The following NTN1 variants were observed in gnomAD, a reference collection of about 807,000 sequenced individuals.
NTN1 encodes netrin 1.
In NTN1, 11 loss-of-function variants were observed where a neutral mutation model predicts 54.2. That is an observed-to-expected ratio of 0.20 (90% CI 0.13 to 0.34). The LOEUF is 0.34. Ranked by LOEUF, NTN1 falls within the 10% of genes least tolerant of loss-of-function variation. NTN1 has a pLI of 1.00. For missense variants in NTN1, 740 were observed against 893.1 expected, an observed-to-expected ratio of 0.83 and a Z score of 2.18; for synonymous variants, 371 against 382.0, an observed-to-expected ratio of 0.97 and a Z score of 0.33.
intron 3 of NTN1, among the ~76,000 whole-genome samples, chr17:9,163,478 AC>A (rs2092364780): frequency 4.8e-4 from 1 of 2,064 alleles, no homozygotes; most frequent in African/African-American, 2.7e-3. Context: ...CCCCCCCGAA[AC>A]ACACACACAC....
chr17:9,229,402 T>C (rs3785993), intron 6 of NTN1, among the ~76,000 whole-genome samples: 119,937 of 152,000 alleles, frequency 0.79, 47,634 homozygotes, highest in African/African-American at 0.89. Context: ...ACACACCTTG[T>C]GAGGGAGGGA....
At chr17:9,205,614 C>A (rs1409644534) in intron 5 of NTN1, among the ~76,000 whole-genome samples, 1 of 152,164 alleles carries the variant, frequency 6.6e-6, no homozygotes, top group Non-Finnish European at 1.5e-5. Flanking sequence ...CAAAGGGAGA[C>A]CCTGTCTCAG....
chr17:9,089,978 C>A (rs746251458), intron 2 of NTN1, among the ~76,000 whole-genome samples: 5 of 152,024 alleles, frequency 3.3e-5, no homozygotes, highest in Non-Finnish European at 5.9e-5. Flanking sequence ...CCCAGAAGTC[C>A]TGAAGCCCAC....
intron 2 of NTN1, among the ~76,000 whole-genome samples, chr17:9,108,077 T>G (rs1371157158): frequency 2.6e-5 from 4 of 152,178 alleles, no homozygotes; most frequent in African/African-American, 9.7e-5. Context: ...AAAGAAACAT[T>G]CAGTGAACTT....
chr17:9,007,113 CTT>C, the NTN1 span, among the ~76,000 whole-genome samples: 1 of 152,158 alleles, frequency 6.6e-6, no homozygotes, highest in Admixed American at 6.5e-5. Flanking sequence ...CTTTTCTTTT[CTT>C]TTTTCTCTCT....
At chr17:9,032,852 C>G (rs989173513) in intron 2 of NTN1, among the ~76,000 whole-genome samples, 11 of 151,948 alleles carry the variant, frequency 7.2e-5, no homozygotes, top group African/African-American at 2.7e-4. Flanking sequence ...CTGTTTCACT[C>G]TATGGCTCAG....
At chr17:9,070,002 C>T (rs2092027318) in intron 2 of NTN1, among the ~76,000 whole-genome samples, 1 of 152,152 alleles carries the variant, frequency 6.6e-6, no homozygotes, top group Non-Finnish European at 1.5e-5. Flanking sequence ...TAATGTTCCC[C>T]AGCACGTGGC....
intron 2 of NTN1, among the ~76,000 whole-genome samples, chr17:9,139,560 A>G (rs966210548): frequency 1.3e-5 from 2 of 151,950 alleles, no homozygotes; most frequent in Admixed American, 6.6e-5. Flanking sequence ...ATCTCCAGAA[A>G]CTCAGTTAAT....
chr17:9,220,443 T>C (rs767844615), intron 5 of NTN1, among the ~76,000 whole-genome samples: 1 of 152,062 alleles, frequency 6.6e-6, no homozygotes, highest in Non-Finnish European at 1.5e-5. Context: ...AAAGCCATGG[T>C]TGGGCTGAAG....
At position 9,057,003 on chromosome 17, in the gene NTN1, G is replaced by A. The variant is rs373705683; in HGVS notation, c.1018+33612G>A. On this transcript the variant is annotated intron_variant, in intron 2 of 6. Transcript: ENST00000173229. The stretch of plus-strand genomic sequence containing the variant: ...CCCCTGTGATGTTATCAGGGCAAGC[G>A]CTTTTCATCCTTAGGATTCTTTCTC... Among the ~76,000 whole-genome samples, 58 of 152,190 alleles carry A rather than the reference G, an allele frequency of 3.8e-4. No homozygotes were observed. In the East Asian group the frequency reaches 8.1e-3, roughly 21 times the overall value.
At chr17:9,060,675 T>A (rs145737399) in intron 2 of NTN1, among the ~76,000 whole-genome samples, 55 of 152,064 alleles carry the variant, frequency 3.6e-4, no homozygotes, top group Non-Finnish European at 7.4e-4. Context: ...AGCTCTCAAG[T>A]GGGATAAAAA....
chr17:9,092,917 C>A (rs1249637832), intron 2 of NTN1, among the ~76,000 whole-genome samples: 1 of 152,196 alleles, frequency 6.6e-6, no homozygotes. Flanking sequence ...CACCACCACG[C>A]CCGGCTAATT....
chr17:9,231,296 G>A (rs1185795072), intron 6 of NTN1, among the ~76,000 whole-genome samples: 2 of 62,222 alleles, frequency 3.2e-5, no homozygotes, highest in African/African-American at 5.6e-5. Context: ...TGGGGTACCC[G>A]GGGGGGGACC....
At chr17:9,196,753 G>A (rs1904644874) in intron 5 of NTN1, among the ~76,000 whole-genome samples, 1 of 152,140 alleles carries the variant, frequency 6.6e-6, no homozygotes, top group Admixed American at 6.5e-5. Context: ...TGTGGTCTCT[G>A]CTTGAGTACA....
chr17:9,059,902 T>A (rs1324563778), intron 2 of NTN1, among the ~76,000 whole-genome samples: 1 of 151,056 alleles, frequency 6.6e-6, no homozygotes, highest in African/African-American at 2.4e-5. Context: ...CAGGGCCACG[T>A]ATGGCTAAGT....
chr17:9,099,385 A>G (rs1291688066), intron 2 of NTN1, among the ~76,000 whole-genome samples: 1 of 152,340 alleles, frequency 6.6e-6, no homozygotes, highest in East Asian at 1.9e-4. Context: ...AGCCTAGGCA[A>G]CAAGAGCGAA....
chr17:9,202,187 T>G (rs893817000), intron 5 of NTN1, among the ~76,000 whole-genome samples: 64 of 150,930 alleles, frequency 4.2e-4, no homozygotes, highest in Non-Finnish European at 6.9e-4. Flanking sequence ...GTTGCAGTGA[T>G]CTGAGATCGC....
chr17:9,088,831 A>G (rs1321682021), intron 2 of NTN1, among the ~76,000 whole-genome samples: 1 of 152,176 alleles, frequency 6.6e-6, no homozygotes, highest in Non-Finnish European at 1.5e-5. Flanking sequence ...AGTCTGAACG[A>G]TTCCAAATAC....
chr17:9,239,968 G>A lies in NTN1; in HGVS notation c.1815G>A (p.Ter605=). Residue 605 remains the stop codon, a stop_retained_variant, in exon 7 of 7, where the codon TAG becomes TAA. Transcript: ENST00000173229. This position sits in a 1 kb window ranked among gnomAD's most constrained non-coding sequence, Gnocchi z 5.2. ...REKKGKCKKA[*] ...AGAAGGGCAAGTGCAAGAAGGCCTAGCGCCGAGGCAGCGGGCGGGCGGGCG... is the reference window on the plus strand; with the variant it reads ...AGAAGGGCAAGTGCAAGAAGGCCTAACGCCGAGGCAGCGGGCGGGCGGGCG... 1 of 937,098 alleles carries A rather than the reference G, an allele frequency of 1.1e-6. No individual in the cohort carries two copies. The highest frequency in any genetic ancestry group is 1.4e-6 in the Non-Finnish European group (1 of 725,720). 58.0% of individuals were successfully genotyped at this position (937,098 alleles called of 1,614,324 possible).
Sources: allele counts gnomAD v4.1 joint callset (sites outside exome capture counted in the v4.1 genomes callset), GRCh38; gene constraint gnomAD v4.1.1; non-coding constraint Gnocchi (gnomAD v3.1); transcripts MANE v1.5; gene names NCBI Gene and HGNC (gene_info 2026-07-23, HGNC 2026-07-21).